Variants in MGRN1 observed in about 807,000 individuals in gnomAD.
The protein encoded by MGRN1 is mahogunin ring finger 1.
A neutral mutation model predicts 69.2 loss-of-function variants in MGRN1; 29 were observed. That is an observed-to-expected ratio of 0.42 (90% CI 0.31 to 0.57). The LOEUF (loss-of-function observed/expected upper bound fraction) is 0.57, where lower values mean the gene tolerates loss of function less well. MGRN1 is among the 20% of genes least tolerant of loss of function. The pLI, the probability that MGRN1 is intolerant of heterozygous loss-of-function variation, is 0.15. For missense variants in MGRN1, 998 were observed against 796.2 expected (o/e 1.25, Z -3.05); for synonymous variants, 470 against 344.2 (o/e 1.37, Z -4.04).
intron 4 of MGRN1, among the ~76,000 whole-genome samples, chr16:4,656,340 T>C (rs1329387962): frequency 1.3e-5 from 2 of 152,198 alleles, no homozygotes; most frequent in African/African-American, 2.4e-5. Flanking sequence ...AAGCGGGACC[T>C]GTGTGGTGGT....
chr16:4,665,550 G>A (rs1373505671), intron 7 of MGRN1, among the ~76,000 whole-genome samples: 1 of 151,482 alleles, frequency 6.6e-6, no homozygotes, highest in African/African-American at 2.4e-5. Flanking sequence ...TGTATGTTTA[G>A]TAGAAACAGC....
intron 10 of MGRN1, chr16:4,677,252 G>A (rs1344374559): frequency 1.3e-5 from 6 of 448,378 alleles, no homozygotes; most frequent in Non-Finnish European, 2.0e-5. Flanking sequence ...GTACAGGGGA[G>A]CTGCTTCTTT....
intron 16 of MGRN1, chr16:4,686,247 C>T (rs571618155): frequency 2.9e-5 from 45 of 1,542,528 alleles, no homozygotes; most frequent in East Asian, 1.7e-4. Context: ...GTCTCTCCCC[C>T]TCTCCGCGCA....
intron 11 of MGRN1, among the ~76,000 whole-genome samples, chr16:4,677,997 A>G (rs1049346450): frequency 6.6e-6 from 1 of 151,982 alleles, no homozygotes. Flanking sequence ...ACGGGCGTGT[A>G]CCACCACGCC....
rs1156440156 is a variant in MGRN1, at chr16:4,651,985, C to G, written c.230C>G (p.Pro77Arg). 3 of 1,613,930 alleles carry G rather than the reference C, an allele frequency of 1.9e-6. No individual in the cohort carries two copies. The highest frequency in any genetic ancestry group is 1.3e-5 in the African/African-American group (1 of 74,902). ...TAGTTTCCCTACGTCACTCCTGCCCCCCACGAGCCCGTGAAGACGCTGCGG... is the reference window on the plus strand; with the variant it reads ...TAGTTTCCCTACGTCACTCCTGCCCGCCACGAGCCCGTGAAGACGCTGCGG... ...PVQFPYVTPA[P>R]HEPVKTLRSL... The change falls in exon 3 of 17, where the codon CCC becomes CGC. Residue 77 changes from proline (P) to arginine (R), a missense_variant. By Grantham distance (103) the Pro-to-Arg change is moderately radical. Coordinates refer to ENST00000262370, the MANE Select transcript of MGRN1 (RefSeq NM_015246.4).
At chr16:4,628,268 C>T (rs982891993) in intron 1 of MGRN1, among the ~76,000 whole-genome samples, 13 of 151,528 alleles carry the variant, frequency 8.6e-5, no homozygotes, top group Non-Finnish European at 1.3e-4. Context: ...CGCTTGTAGT[C>T]CCAGCCACTC....
In MGRN1 at chr16:4,678,846, C is replaced by A. The variant is rs185760041; in HGVS notation, c.1066-1186C>A. Among the ~76,000 whole-genome samples the A allele has an allele frequency of 1.1e-4, 16 of 152,374 alleles. No homozygotes were observed. The South Asian group carries it at 1.9e-3, about 18-fold the overall frequency. Reference sequence around the variant, plus strand: ...GGCGTTCACAGACAGCGCCTTTGCTCTAGAAGGCTCCTCCCAAGCCCCCTT... The same window carrying A: ...GGCGTTCACAGACAGCGCCTTTGCTATAGAAGGCTCCTCCCAAGCCCCCTT... On this transcript the variant is annotated intron_variant, in intron 11 of 16. Transcript: ENST00000262370.
Position 4,681,701 on chromosome 16 carries a change from G to A in MGRN1, c.1283G>A (p.Cys428Tyr). Residue 428 changes from cysteine to tyrosine, a missense_variant, in exon 13 of 17, where the codon TGT (cysteine) becomes TAT (tyrosine). By Grantham distance (194) the Cys-to-Tyr change is radical. Transcript: ENST00000262370. ...TCGGACGGCCTGTCCCAGGCCAGCT[G>A]TCCCCTCGCGGCTATCGACCACATC... ...GISDGLSQASCPLAAIDHILD... is the reference protein window; with the variant it reads ...GISDGLSQASYPLAAIDHILD... The A allele has an allele frequency of 6.2e-7, 1 of 1,613,380 alleles. No individual in the cohort carries two copies. Among genetic ancestry groups the A allele is most frequent in the African/African-American group, 1.3e-5 (1 of 75,072 alleles).
chr16:4,677,469 G>A lies in MGRN1; in HGVS notation c.962G>A (p.Arg321Gln), dbSNP rs765351465. Reference protein sequence around the residue: ...NNCPICRLPFRALLQIRAVRK... With the variant: ...NNCPICRLPFQALLQIRAVRK... ...AGCCCTCCTTCTGCCGCAGCTTTCC[G>A]GGCCCTCCTGCAGATCCGGGCGGTG... The change falls in exon 11 of 17, where the codon CGG becomes CAG. Residue 321 changes from arginine (R) to glutamine (Q), a missense_variant. Coordinates refer to ENST00000262370, the MANE Select transcript of MGRN1 (RefSeq NM_015246.4). 13 of 1,557,854 alleles carry A rather than the reference G, an allele frequency of 8.3e-6. No individual in the cohort carries two copies. In the East Asian group the frequency reaches 1.2e-4, roughly 14 times the overall value.
intron 5 of MGRN1, among the ~76,000 whole-genome samples, chr16:4,658,347 A>G (rs1405088608): frequency 6.6e-6 from 1 of 150,412 alleles, no homozygotes; most frequent in East Asian, 2.1e-4. Flanking sequence ...CATCCTGGCT[A>G]ACACGGTGAA....
At chr16:4,677,196 G>A (rs2079071256) in intron 10 of MGRN1, 3 of 355,200 alleles carry the variant, frequency 8.4e-6, no homozygotes, top group Admixed American at 4.4e-5. Flanking sequence ...CTGTGTTTGC[G>A]GGAGTTCTGT....
At chr16:4,651,317 G>A (rs902944156) in intron 2 of MGRN1, among the ~76,000 whole-genome samples, 2 of 152,164 alleles carry the variant, frequency 1.3e-5, no homozygotes, top group Admixed American at 6.5e-5. Flanking sequence ...TCCAGGGCTT[G>A]GGGTGAAAGC....
Position 4,689,146 on chromosome 16 carries a change from C to T in MGRN1, c.*238C>T. 1 of 544,624 alleles carries T rather than the reference C, an allele frequency of 1.8e-6. No homozygotes were observed. The highest frequency in any genetic ancestry group is 3.0e-6 in the Non-Finnish European group (1 of 336,826). 33.7% of individuals were successfully genotyped at this position (544,624 alleles called of 1,614,324 possible). ...GATGAAGGACAGCAGCTTTCCATCC[C>T]TAGTTCAGAGCCCCCGTTCCCCAGG... On this transcript the variant is annotated 3_prime_UTR_variant, in exon 17 of 17. Transcript: ENST00000262370.
chr16:4,657,777 G>C (rs1023466619), intron 5 of MGRN1, among the ~76,000 whole-genome samples: 1 of 111,028 alleles, frequency 9.0e-6, no homozygotes, highest in African/African-American at 3.5e-5. Context: ...AGACAGTCTC[G>C]CTCTGTCGCC....
chr16:4,676,397 C>A (rs1413246819), intron 10 of MGRN1, among the ~76,000 whole-genome samples: 1 of 152,214 alleles, frequency 6.6e-6, no homozygotes, highest in African/African-American at 2.4e-5. Flanking sequence ...GGAGATACAG[C>A]AGGGCTGCTT....
In MGRN1 at chr16:4,664,764, A is replaced by C; in HGVS notation, c.617A>C (p.Asp206Ala). The C allele has an allele frequency of 6.2e-7, 1 of 1,614,118 alleles. No individual in the cohort carries two copies. Among genetic ancestry groups the C allele is most frequent in the Non-Finnish European group, 8.5e-7 (1 of 1,180,010 alleles). ...CCAGTAGTCATCCAGGCTGTGGTGG[A>C]CGAAGGAGATGGTGAGTGCGTCCTC... ...VFPVVIQAVV[D>A]EGDVVEVTGH... Residue 206 changes from aspartate (D) to alanine (A), a missense_variant, in exon 6 of 17, where the codon GAC becomes GCC. Physicochemically the swap from Asp to Ala is moderately radical, Grantham distance 126 (BLOSUM62 -2). Coordinates refer to ENST00000262370, the MANE Select transcript of MGRN1 (RefSeq NM_015246.4).
At position 4,651,971 on chromosome 16, in the gene MGRN1, C is replaced by T. The variant is rs376075341; in HGVS notation, c.216C>T (p.Tyr72=). 76 of 1,613,900 alleles carry T rather than the reference C, an allele frequency of 4.7e-5. No homozygotes were observed. The highest frequency in any genetic ancestry group is 5.8e-5 in the Non-Finnish European group (69 of 1,179,938). Residue 72 remains tyrosine, a synonymous_variant, in exon 3 of 17, where the codon TAC becomes TAT. Coordinates refer to ENST00000262370, the MANE Select transcript of MGRN1 (RefSeq NM_015246.4). ...TGTGGTTTTTCTCCTAGTTTCCCTA[C>T]GTCACTCCTGCCCCCCACGAGCCCG... ...FLGSRPVQFP[Y]VTPAPHEPVK...
In MGRN1 at chr16:4,632,215, C is replaced by T. The variant is rs539418111; in HGVS notation, c.88+7167C>T. On this transcript the variant is annotated intron_variant, in intron 1 of 16. Coordinates refer to ENST00000262370, the MANE Select transcript of MGRN1 (RefSeq NM_015246.4). ...TATTTTTAGTAGAGATGGGTTTCAC[C>T]ATGTTGGCAGGGATGGTCTTGATCT... 7.9e-3 allele frequency among the ~76,000 whole-genome samples: 1,204 copies of T among 151,856 alleles called. 10 individuals are homozygous for T. The highest frequency in any genetic ancestry group is 0.041 in the Middle Eastern group (12 of 294).
At chr16:4,631,205 T>C (rs943717406) in intron 1 of MGRN1, among the ~76,000 whole-genome samples, 12 of 152,334 alleles carry the variant, frequency 7.9e-5, no homozygotes, top group African/African-American at 2.9e-4. Context: ...TTTAGTATCA[T>C]TTGTTGTAGA....
Sources: allele counts gnomAD v4.1 joint callset (sites outside exome capture counted in the v4.1 genomes callset), GRCh38; gene constraint gnomAD v4.1.1; transcripts MANE v1.5; gene names NCBI Gene and HGNC (gene_info 2026-07-23, HGNC 2026-07-21).